DLGAP1: variants seen among roughly 807,000 people sequenced by gnomAD.
The protein encoded by DLGAP1 is DLG associated protein 1, also known as disks large-associated protein 1.
Under a neutral mutation model 90.8 loss-of-function variants are expected in DLGAP1, and 11 were observed. The observed-to-expected ratio is 0.12, with a 90% CI of 0.08 to 0.20. The LOEUF is 0.20. DLGAP1 is among the 10% of genes least tolerant of loss of function. DLGAP1 has a pLI of 1.00. For missense variants in DLGAP1, 1,050 were observed against 1,333.8 expected (o/e 0.79, Z 3.31); for synonymous variants, 558 against 540.7 (o/e 1.03, Z -0.44).
intron 5 of DLGAP1, among the ~76,000 whole-genome samples, chr18:3,784,637 C>T (rs2065360857): frequency 6.6e-6 from 1 of 152,196 alleles, no homozygotes; most frequent in South Asian, 2.1e-4. Context: ...CGCGATGCTC[C>T]TGGGGTGCCC....
intron 3 of DLGAP1, among the ~76,000 whole-genome samples, chr18:3,969,516 C>T (rs1024941560): frequency 3.9e-5 from 6 of 151,994 alleles, no homozygotes; most frequent in African/African-American, 1.5e-4. Context: ...TAGATATACA[C>T]AGAAAGACAG....
At chr18:4,361,957 G>A (rs530654292) in intron 1 of DLGAP1, among the ~76,000 whole-genome samples, 19 of 152,220 alleles carry the variant, frequency 1.2e-4, no homozygotes, top group African/African-American at 4.3e-4. Flanking sequence ...GAAGATATAC[G>A]CATGGCCAAA....
rs555706198 is a variant in DLGAP1, at chr18:3,521,326, T to G, written c.2480-12665A>C. ...GTTTTCTTATCTCATGTAATTCTCA[T>G]GCTGACAACTTTTCCTTGGTTCCCC... On this transcript the variant is annotated intron_variant, in intron 10 of 12. Coordinates refer to ENST00000315677, the MANE Select transcript of DLGAP1 (RefSeq NM_004746.4). Among the ~76,000 whole-genome samples, 3 of 152,308 alleles carry G rather than the reference T, an allele frequency of 2.0e-5. No individual in the cohort carries two copies. In the East Asian group the frequency reaches 5.8e-4, roughly 29 times the overall value.
chr18:3,712,640 C>T (rs1598427414), intron 7 of DLGAP1, among the ~76,000 whole-genome samples: 1 of 152,282 alleles, frequency 6.6e-6, no homozygotes, highest in Non-Finnish European at 1.5e-5. Flanking sequence ...GCAGTGGTGT[C>T]AGGGGGCTAA....
chr18:3,693,260 T>C (rs903415808), intron 7 of DLGAP1, among the ~76,000 whole-genome samples: 1 of 152,200 alleles, frequency 6.6e-6, no homozygotes, highest in South Asian at 2.1e-4. Flanking sequence ...TTTAAATTTT[T>C]TTTTTTTGTA....
intron 3 of DLGAP1, among the ~76,000 whole-genome samples, chr18:3,893,865 A>T (rs1157904687): frequency 6.6e-6 from 1 of 151,978 alleles, no homozygotes; most frequent in Non-Finnish European, 1.5e-5. Flanking sequence ...ATTTCTCCAT[A>T]TCCTTGCCAA....
chr18:4,238,887 C>G (rs1157394627), intron 1 of DLGAP1, among the ~76,000 whole-genome samples: 1 of 152,118 alleles, frequency 6.6e-6, no homozygotes, highest in Non-Finnish European at 1.5e-5. Flanking sequence ...CCCTCTCCAC[C>G]CCAAATTATT....
intron 1 of DLGAP1, among the ~76,000 whole-genome samples, chr18:4,279,537 G>A (rs2079500637): frequency 6.6e-6 from 1 of 152,156 alleles, no homozygotes; most frequent in African/African-American, 2.4e-5. Flanking sequence ...TGCCTGATGT[G>A]TAAGATTCAA....
intron 7 of DLGAP1, among the ~76,000 whole-genome samples, chr18:3,598,780 C>G (rs2056741527): frequency 7.0e-6 from 1 of 142,906 alleles, no homozygotes; most frequent in Non-Finnish European, 1.5e-5. Context: ...CTCCATTACT[C>G]CTTAAGTGTC....
chr18:3,600,953 T>TATAG (rs1555695713), intron 7 of DLGAP1, among the ~76,000 whole-genome samples: 1,110 of 60,418 alleles, frequency 0.018, 109 homozygotes, highest in African/African-American at 0.066. Flanking sequence ...GATATATAGA[T>TATAG]ATATATAGAT....
intron 2 of DLGAP1, among the ~76,000 whole-genome samples, chr18:4,092,870 C>T (rs2075791702): frequency 6.6e-6 from 1 of 152,082 alleles, no homozygotes. Context: ...TGGGGTTCTG[C>T]ACCCACACAC....
intron 1 of DLGAP1, among the ~76,000 whole-genome samples, chr18:4,216,646 G>A (rs762417813): frequency 3.9e-5 from 6 of 152,068 alleles, no homozygotes; most frequent in Non-Finnish European, 5.9e-5. Context: ...AAGCACAGAA[G>A]GCTTAGAATA....
intron 2 of DLGAP1, among the ~76,000 whole-genome samples, chr18:4,020,040 G>C (rs1266789133): frequency 6.6e-6 from 1 of 152,204 alleles, no homozygotes; most frequent in Non-Finnish European, 1.5e-5. Flanking sequence ...AACTGGTTGA[G>C]TTTTTATCTA....
At chr18:3,739,192 T>A (rs1273513212) in intron 6 of DLGAP1, among the ~76,000 whole-genome samples, 2 of 145,946 alleles carry the variant, frequency 1.4e-5, no homozygotes, top group Non-Finnish European at 3.0e-5. Flanking sequence ...TGTAAACTAG[T>A]TCAACCATTG....
intron 2 of DLGAP1, among the ~76,000 whole-genome samples, chr18:4,008,226 TACACACAC>T (rs67739004): frequency 1.4e-5 from 2 of 147,008 alleles, no homozygotes; most frequent in Non-Finnish European, 3.0e-5. Context: ...TATATATATA[TACACACAC>T]ACACACACAC....
At chr18:4,297,791 A>G (rs670929) in intron 1 of DLGAP1, among the ~76,000 whole-genome samples, 147,222 of 152,198 alleles carry the variant, frequency 0.97, 71,404 homozygotes, top group East Asian at 1. Flanking sequence ...TCTATCTATC[A>G]CTGTTGCTCT....
chr18:4,300,430 A>T (rs749480749), intron 1 of DLGAP1, among the ~76,000 whole-genome samples: 5 of 152,330 alleles, frequency 3.3e-5, no homozygotes, highest in Admixed American at 6.5e-5. Flanking sequence ...CCTAAAACCT[A>T]TTCCCACCCT....
In DLGAP1 at chr18:3,676,146, T is replaced by C. The variant is rs201623188; in HGVS notation, c.1591+52989A>G. On this transcript the variant is annotated intron_variant, in intron 7 of 12. Transcript: ENST00000315677. ...GTGCCAATCATGTTCAAAATGGCAG[T>C]CCCATCTTTCCTCTGCCAGCCGCGT... 6.6e-5 allele frequency among the ~76,000 whole-genome samples: 10 copies of C among 152,314 alleles called. No homozygotes were observed. The East Asian group carries it at 1.9e-3, about 29-fold the overall frequency.
intron 1 of DLGAP1, among the ~76,000 whole-genome samples, chr18:4,360,228 G>A (rs1348243354): frequency 6.6e-6 from 1 of 152,174 alleles, no homozygotes; most frequent in Non-Finnish European, 1.5e-5. Context: ...TAATTTTGTG[G>A]CATTAGACAG....
Sources: allele counts gnomAD v4.1 joint callset (sites outside exome capture counted in the v4.1 genomes callset), GRCh38; gene constraint gnomAD v4.1.1; transcripts MANE v1.5; gene names NCBI Gene and HGNC (gene_info 2026-07-23, HGNC 2026-07-21).